The following PCDH15 variants were observed in gnomAD, a reference collection of about 807,000 sequenced individuals.
The protein encoded by PCDH15 is protocadherin related 15, also known as protocadherin-15.
Under a neutral mutation model 178.5 loss-of-function variants are expected in PCDH15, and 129 were observed. That is an observed-to-expected ratio of 0.72 (90% CI 0.63 to 0.84). The LOEUF is 0.84. Among genes scored for constraint, PCDH15 ranks in the 40% least tolerant of loss-of-function variants. PCDH15 has a pLI of 0.00. For missense variants in PCDH15, 2,230 were observed against 2,099.9 expected (o/e 1.06, Z -1.21); for synonymous variants, 800 against 732.0 (o/e 1.09, Z -1.50).
chr10:55,126,416 T>C (rs1837902109), intron 2 of PCDH15, among the ~76,000 whole-genome samples: 1 of 152,130 alleles, frequency 6.6e-6, no homozygotes, highest in Non-Finnish European at 1.5e-5. Context: ...AAACAATCCA[T>C]CTCTGATTTC....
intron 28 of PCDH15, among the ~76,000 whole-genome samples, chr10:53,851,858 T>C (rs1025963888): frequency 1.3e-5 from 2 of 151,352 alleles, no homozygotes; most frequent in African/African-American, 2.4e-5. Flanking sequence ...ACACAGCACA[T>C]TTCAGGTGCT....
intron 18 of PCDH15, among the ~76,000 whole-genome samples, chr10:54,026,199 G>C (rs1451043929): frequency 6.6e-6 from 1 of 151,842 alleles, no homozygotes; most frequent in Non-Finnish European, 1.5e-5. Flanking sequence ...GTCCTGCGCA[G>C]CTGGCACTAC....
intron 2 of PCDH15, among the ~76,000 whole-genome samples, chr10:54,572,349 G>C (rs951434): frequency 6.6e-6 from 1 of 152,074 alleles, no homozygotes; most frequent in Non-Finnish European, 1.5e-5. Flanking sequence ...AACATCAAAC[G>C]CTAGGAGAAT....
intron 1 of PCDH15, among the ~76,000 whole-genome samples, chr10:55,226,414 G>A (rs1841043789): frequency 6.7e-6 from 1 of 149,662 alleles, no homozygotes; most frequent in Admixed American, 6.8e-5. Flanking sequence ...CTGGAGTGCA[G>A]TGGCATCATG....
chr10:53,998,499 C>G (rs555238773), intron 20 of PCDH15, among the ~76,000 whole-genome samples: 4 of 152,030 alleles, frequency 2.6e-5, no homozygotes, highest in Non-Finnish European at 5.9e-5. Flanking sequence ...ATCACAGAAA[C>G]CTTTTCTCCT....
rs1483302128 is a variant in PCDH15 at position 53,805,126 on chromosome 10, A to ATAAT, written c.*1449_*1452dup. On this transcript the variant is annotated 3_prime_UTR_variant, in exon 38 of 38. Transcript: ENST00000644397. Reference sequence around the variant, plus strand: ...ACTTTGGAAATGAGGAAATAGCATAATAATAAACAATTTTTAAGACGCGAA... The same window carrying ATAAT: ...ACTTTGGAAATGAGGAAATAGCATAATAATTAATAAACAATTTTTAAGACGCGAA... The ATAAT allele has an allele frequency of 1.3e-5, 2 of 152,082 alleles. No individual in the cohort carries two copies. Among genetic ancestry groups the ATAAT allele is most frequent in the African/African-American group, 2.4e-5 (1 of 41,442 alleles). 9.4% of individuals were successfully genotyped at this position (152,082 alleles called of 1,614,324 possible).
chr10:54,583,974 C>A (rs1244628964), intron 2 of PCDH15, among the ~76,000 whole-genome samples: 1 of 151,892 alleles, frequency 6.6e-6, no homozygotes, highest in Non-Finnish European at 1.5e-5. Context: ...AAGAAATATA[C>A]CATGTTTTCT....
chr10:54,091,359 G>A (rs2094597880), intron 15 of PCDH15, among the ~76,000 whole-genome samples: 1 of 152,140 alleles, frequency 6.6e-6, no homozygotes. Flanking sequence ...TTCTGAGAGA[G>A]GAATAAGTAT....
At chr10:55,400,310 T>A (rs1447710557) in intron 2 of PCDH15, among the ~76,000 whole-genome samples, 8 of 152,060 alleles carry the variant, frequency 5.3e-5, no homozygotes. Context: ...GACCAGGAAT[T>A]TCCCCTTCAA....
At chr10:53,817,946 G>A (rs2076125043) in intron 34 of PCDH15, 49 bp downstream of exon 34, 2 of 398,412 alleles carry the variant, frequency 5.0e-6, no homozygotes, top group South Asian at 1.3e-4. Flanking sequence ...TATTACACAA[G>A]TATTTTCCTA....
At chr10:54,194,413 G>A (rs762208353) in intron 11 of PCDH15, among the ~76,000 whole-genome samples, 1 of 152,062 alleles carries the variant, frequency 6.6e-6, no homozygotes, top group Non-Finnish European at 1.5e-5. Flanking sequence ...AAGACTAGTG[G>A]CTACTATGTT....
chr10:54,995,685 C>T (rs1299574299), intron 2 of PCDH15, among the ~76,000 whole-genome samples: 1 of 151,312 alleles, frequency 6.6e-6, no homozygotes, highest in East Asian at 2.0e-4. Context: ...AAGAAAGTTA[C>T]GTTTGTCTTA....
chr10:54,945,441 A>C (rs1838175041), intron 2 of PCDH15, among the ~76,000 whole-genome samples: 1 of 149,414 alleles, frequency 6.7e-6, no homozygotes, highest in African/African-American at 2.5e-5. Flanking sequence ...CCAACTTTCA[A>C]AAACATGGAA....
chr10:55,428,377 G>C (rs1030505585), intron 2 of PCDH15, among the ~76,000 whole-genome samples: 1 of 151,824 alleles, frequency 6.6e-6, no homozygotes, highest in South Asian at 2.1e-4. Flanking sequence ...TATTGTACTA[G>C]ATGAATTGAG....
intron 2 of PCDH15, among the ~76,000 whole-genome samples, chr10:54,943,681 A>T (rs1356707042): frequency 6.6e-6 from 1 of 151,910 alleles, no homozygotes; most frequent in Admixed American, 6.6e-5. Flanking sequence ...GCGACTCAAC[A>T]TCCTTTGTAC....
chr10:53,894,773 T>C (rs1236478881), intron 26 of PCDH15, among the ~76,000 whole-genome samples: 3 of 152,120 alleles, frequency 2.0e-5, no homozygotes, highest in Non-Finnish European at 4.4e-5. Flanking sequence ...GCTTAAAGAT[T>C]TTAAAGGGCA....
At chr10:55,160,810 A>G (rs931880220) in intron 2 of PCDH15, among the ~76,000 whole-genome samples, 9 of 152,062 alleles carry the variant, frequency 5.9e-5, no homozygotes, top group African/African-American at 1.7e-4. Context: ...TCTCCTCTGT[A>G]GCACTGCCTG....
intron 2 of PCDH15, among the ~76,000 whole-genome samples, chr10:54,621,141 C>T (rs74136225): frequency 2.6e-3 from 398 of 152,016 alleles, no homozygotes; most frequent in African/African-American, 9.4e-3. Flanking sequence ...GATTCATTCA[C>T]AAATGCAAAA....
At chr10:53,935,396 TAA>T (rs1482419975) in intron 25 of PCDH15, among the ~76,000 whole-genome samples, 1 of 152,066 alleles carries the variant, frequency 6.6e-6, no homozygotes, top group Non-Finnish European at 1.5e-5. Context: ...TGGGAAAATA[TAA>T]GAGATGAAGC....
Sources: allele counts gnomAD v4.1 joint callset (sites outside exome capture counted in the v4.1 genomes callset), GRCh38; gene constraint gnomAD v4.1.1; transcripts MANE v1.5; gene names NCBI Gene and HGNC (gene_info 2026-07-23, HGNC 2026-07-21).